Variants in KCNIP4 observed in about 807,000 individuals in gnomAD.
KCNIP4 encodes Kv channel-interacting protein 4.
In KCNIP4, 12 loss-of-function variants were observed where a neutral mutation model predicts 34.0. The ratio of observed to expected loss-of-function variants is 0.35; its 90% CI spans 0.23 to 0.57. KCNIP4 has a LOEUF of 0.57. Ranked by LOEUF, KCNIP4 falls within the 20% of genes least tolerant of loss-of-function variation. The probability of loss-of-function intolerance (pLI) is 0.83; values close to 1 mark genes in which losing one functional copy is unlikely to be tolerated. For missense variants in KCNIP4, 238 were observed against 311.7 expected (o/e 0.76, Z 1.78); for synonymous variants, 124 against 102.2 (o/e 1.21, Z -1.29).
At chr4:21,924,794 C>T (rs1285008596) in intron 1 of KCNIP4, among the ~76,000 whole-genome samples, 3 of 151,942 alleles carry the variant, frequency 2.0e-5, no homozygotes, top group Non-Finnish European at 4.4e-5. Context: ...CTTTCCTATA[C>T]CCCTCTCCTC....
intron 1 of KCNIP4, among the ~76,000 whole-genome samples, chr4:21,375,695 T>C (rs1018514001): frequency 6.6e-6 from 1 of 151,726 alleles, no homozygotes; most frequent in African/African-American, 2.4e-5. Flanking sequence ...GCCTCCCGAG[T>C]AGCTGGGACT....
intron 1 of KCNIP4, among the ~76,000 whole-genome samples, chr4:21,231,062 A>T (rs1433834405): frequency 6.6e-6 from 1 of 152,162 alleles, no homozygotes; most frequent in Non-Finnish European, 1.5e-5. Flanking sequence ...CAGCAGTCCT[A>T]GGAAACTAAT....
intron 2 of KCNIP4, among the ~76,000 whole-genome samples, chr4:20,865,209 T>TAG (rs1289641700): frequency 6.6e-6 from 1 of 152,084 alleles, no homozygotes; most frequent in African/African-American, 2.4e-5. Context: ...CTCTGAAGAC[T>TAG]AGAAGTGACT....
intron 1 of KCNIP4, among the ~76,000 whole-genome samples, chr4:21,113,937 G>A (rs565497137): frequency 3.9e-5 from 6 of 152,284 alleles, no homozygotes; most frequent in Admixed American, 3.9e-4. Context: ...CAAAGTTAGT[G>A]TATTTTGATC....
chr4:21,462,157 C>T (rs1366206971), intron 1 of KCNIP4, among the ~76,000 whole-genome samples: 1 of 152,066 alleles, frequency 6.6e-6, no homozygotes, highest in African/African-American at 2.4e-5. Context: ...TTCTAAGTAA[C>T]CGTAACTTTC....
intron 1 of KCNIP4, among the ~76,000 whole-genome samples, chr4:21,396,111 G>C (rs1460168752): frequency 1.3e-5 from 2 of 150,102 alleles, no homozygotes; most frequent in African/African-American, 4.9e-5. Context: ...CCTATATATA[G>C]TCTATATATA....
chr4:20,864,136 G>A (rs930911533), intron 2 of KCNIP4, among the ~76,000 whole-genome samples: 1 of 144,150 alleles, frequency 6.9e-6, no homozygotes, highest in African/African-American at 2.5e-5. Context: ...ACACATGTAT[G>A]TATACATATC....
chr4:21,806,399 TTAA>T (rs1177262149), intron 1 of KCNIP4, among the ~76,000 whole-genome samples: 1 of 152,210 alleles, frequency 6.6e-6, no homozygotes, highest in African/African-American at 2.4e-5. Context: ...AGTTATTACA[TTAA>T]TGTTACTTGT....
intron 1 of KCNIP4, among the ~76,000 whole-genome samples, chr4:21,423,208 A>G (rs538341447): frequency 1.3e-5 from 2 of 152,280 alleles, no homozygotes; most frequent in South Asian, 4.2e-4. Flanking sequence ...AAGCAACAAA[A>G]CCCTTTTACA....
chr4:21,439,398 C>T (rs1390234640), intron 1 of KCNIP4, among the ~76,000 whole-genome samples: 3 of 152,126 alleles, frequency 2.0e-5, no homozygotes, highest in Non-Finnish European at 4.4e-5. Flanking sequence ...AAATGAAACT[C>T]GAGGTATGGA....
intron 1 of KCNIP4, among the ~76,000 whole-genome samples, chr4:21,607,865 T>C (rs549835170): frequency 4.0e-4 from 61 of 152,254 alleles, no homozygotes; most frequent in African/African-American, 1.3e-3. Context: ...GTGGACTCTC[T>C]AGTAACAAAG....
At chr4:21,281,443 T>C (rs933097489) in intron 1 of KCNIP4, among the ~76,000 whole-genome samples, 1 of 152,146 alleles carries the variant, frequency 6.6e-6, no homozygotes, top group Non-Finnish European at 1.5e-5. Flanking sequence ...GACAGATACA[T>C]AGGTGACATA....
intron 1 of KCNIP4, chr4:21,730,143 T>G (rs1715483888): frequency 6.6e-6 from 1 of 152,086 alleles, no homozygotes; most frequent in African/African-American, 2.4e-5. Context: ...TATTCAGTAT[T>G]GCAACACGGA....
chr4:21,361,820 G>A (rs529865858), intron 1 of KCNIP4, among the ~76,000 whole-genome samples: 10 of 151,842 alleles, frequency 6.6e-5, no homozygotes, highest in Non-Finnish European at 1.2e-4. Flanking sequence ...CATATTCTAC[G>A]TTGCACTTAT....
chr4:20,912,901 A>C (rs1371755594), intron 1 of KCNIP4, among the ~76,000 whole-genome samples: 4 of 152,218 alleles, frequency 2.6e-5, no homozygotes, highest in Non-Finnish European at 5.9e-5. Context: ...AAAGATGTGA[A>C]GATATTAGAA....
At chr4:21,050,070 C>A (rs1742790798) in intron 1 of KCNIP4, among the ~76,000 whole-genome samples, 1 of 152,152 alleles carries the variant, frequency 6.6e-6, no homozygotes, top group Non-Finnish European at 1.5e-5. Flanking sequence ...TAAGGGCAGG[C>A]AGCTTGAGTC....
chr4:21,482,237 C>T (rs1349564464), intron 1 of KCNIP4, among the ~76,000 whole-genome samples: 29 of 152,130 alleles, frequency 1.9e-4, no homozygotes, highest in Admixed American at 1.6e-3. Context: ...CTGAATATAG[C>T]ACACTGATGA....
intron 1 of KCNIP4, among the ~76,000 whole-genome samples, chr4:21,051,188 G>A (rs1055751777): frequency 3.9e-5 from 6 of 152,176 alleles, no homozygotes; most frequent in African/African-American, 1.4e-4. Flanking sequence ...TCAAAAACAA[G>A]TGTCATTTTT....
intron 1 of KCNIP4, among the ~76,000 whole-genome samples, chr4:21,258,577 T>A (rs1351029666): frequency 6.6e-6 from 1 of 152,164 alleles, no homozygotes; most frequent in Non-Finnish European, 1.5e-5. Flanking sequence ...TATAGTGTGC[T>A]CTAATTCTTA....
Sources: gnomAD v4.1 joint callset for allele counts (sites outside exome capture counted in the v4.1 genomes callset) on GRCh38, gnomAD v4.1.1 for gene constraint, MANE v1.5 for transcripts, NCBI Gene and HGNC (gene_info 2026-07-23, HGNC 2026-07-21) for gene names.